The following NKX2-3 variants were observed in gnomAD, a reference collection of about 807,000 sequenced individuals.
NKX2-3 encodes the protein homeobox protein Nkx-2.3.
A neutral mutation model predicts 14.2 loss-of-function variants in NKX2-3; 3 were observed. The observed-to-expected ratio is 0.21, with a 90% CI of 0.10 to 0.55. The LOEUF (loss-of-function observed/expected upper bound fraction) is 0.55, where lower values mean the gene tolerates loss of function less well. Ranked by LOEUF, NKX2-3 falls within the 20% of genes least tolerant of loss-of-function variation. The pLI is 0.94. For missense variants in NKX2-3, 511 were observed against 514.5 expected (o/e 0.99, Z 0.06); for synonymous variants, 276 against 234.2 (o/e 1.18, Z -1.63).
At position 99,532,982 on chromosome 10, in the gene NKX2-3, T is replaced by G. The variant is rs1429179921; in HGVS notation, c.-150T>G. ...ACCCAGACCCCCAGGTCCCGGCCAA[T>G]GGAGGCGATTTAGACTGGAGTGGGA... On this transcript the variant is annotated 5_prime_UTR_variant, in exon 1 of 2. An upstream start codon of the reference 5' UTR is lost. Coordinates refer to ENST00000344586, the MANE Select transcript of NKX2-3 (RefSeq NM_145285.3). 1 of 620,318 alleles carries G rather than the reference T, an allele frequency of 1.6e-6. No homozygotes were observed. The highest frequency in any genetic ancestry group is 2.9e-6 in the Non-Finnish European group (1 of 347,174). 38.4% of individuals were successfully genotyped at this position (620,318 alleles called of 1,614,324 possible). A position where few individuals can be genotyped will look rare whatever the true frequency, so the allele number is the denominator to read the frequency against.
Position 99,535,245 on chromosome 10 carries a change from C to T in NKX2-3, c.619C>T (p.Arg207Trp), listed in dbSNP as rs2033954905. Residue 207 changes from arginine to tryptophan, a missense_variant, in exon 2 of 2, where the codon CGG becomes TGG. Arg to Trp is a moderately radical substitution (Grantham distance 101, BLOSUM62 -3). Coordinates refer to ENST00000344586, the MANE Select transcript of NKX2-3 (RefSeq NM_145285.3). ...TCGCAGGTACAAGTGCAAGAGACAG[C>T]GGCAGGACAAGTCTCTGGAGCTTGG... The part of the protein sequence containing the change: ...QNRRYKCKRQ[R>W]QDKSLELGAH... The T allele has an allele frequency of 8.7e-6, 14 of 1,611,490 alleles. No homozygotes were observed. The highest frequency in any genetic ancestry group is 1.2e-5 in the Non-Finnish European group (14 of 1,179,268).
chr10:99,534,762 T>C (rs2033947042), intron 1 of NKX2-3, among the ~76,000 whole-genome samples: 1 of 152,230 alleles, frequency 6.6e-6, no homozygotes, highest in Non-Finnish European at 1.5e-5. Flanking sequence ...ACGCACTAAC[T>C]ACCCCTCTCC....
Position 99,536,122 on chromosome 10 carries a change from A to C in NKX2-3, c.*401A>C. ...CCCAAGGACATAACAAATTAAAAGCATGAAGGAGAGAAAAATGGGGGTCGT... is the reference window on the plus strand; with the variant it reads ...CCCAAGGACATAACAAATTAAAAGCCTGAAGGAGAGAAAAATGGGGGTCGT... On this transcript the variant is annotated 3_prime_UTR_variant, in exon 2 of 2. Coordinates refer to ENST00000344586, the MANE Select transcript of NKX2-3 (RefSeq NM_145285.3). 4 of 197,406 alleles carry C rather than the reference A, an allele frequency of 2.0e-5. No individual in the cohort carries two copies. The highest frequency in any genetic ancestry group is 5.6e-5 in the Admixed American group (1 of 17,770). 12.2% of individuals were successfully genotyped at this position (197,406 alleles called of 1,614,324 possible).
chr10:99,534,207 G>A (rs1176431323), intron 1 of NKX2-3, among the ~76,000 whole-genome samples: 1 of 152,172 alleles, frequency 6.6e-6, no homozygotes. Context: ...AAAACGCGCC[G>A]AACTTGAGTC....
chr10:99,535,403 C>T lies in NKX2-3; in HGVS notation c.777C>T (p.Tyr259=), dbSNP rs2033957177. 1.4e-6 allele frequency: 2 copies of T among 1,437,618 alleles called. No homozygotes were observed. Among genetic ancestry groups the T allele is most frequent in the Non-Finnish European group, 1.8e-6 (2 of 1,099,008 alleles). 89.1% of individuals were successfully genotyped at this position (1,437,618 alleles called of 1,614,324 possible). Residue 259 remains tyrosine (Y), a synonymous_variant, in exon 2 of 2, where the codon TAC becomes TAT. Transcript: ENST00000344586. ...GCGTGGGCGCCAGCGCCTACTCCTA[C>T]AACAGCTTCCCCGCCTACGGCTATG... ...PYSVGASAYS[Y]NSFPAYGYGN...
At chr10:99,533,576 GCTGC>G (rs1291136194) in intron 1 of NKX2-3, 87 bp downstream of exon 1, 4 of 1,029,038 alleles carry the variant, frequency 3.9e-6, no homozygotes, top group Non-Finnish European at 5.6e-6. Flanking sequence ...TGCCAGCGCA[GCTGC>G]CCATCCCTTT....
rs753948982 is a variant in NKX2-3, at chr10:99,535,442, GGCCGCCGCCGCCGCC to G, written c.831_845del (p.Ala282_Ala286del). On this transcript the variant is annotated inframe_deletion, in exon 2 of 2. Transcript: ENST00000344586. Reference sequence around the variant, plus strand: ...CCTACGGCTATGGGAACTCGGCCGCGGCCGCCGCCGCCGCCGCCGCCGCCGCCGCAGCAGCGGCGG... The same window carrying G: ...CCTACGGCTATGGGAACTCGGCCGCGGCCGCCGCCGCCGCAGCAGCGGCGG... 3.4e-4 allele frequency: 444 copies of G among 1,311,050 alleles called. No individual in the cohort carries two copies. Among genetic ancestry groups the G allele is most frequent in the Middle Eastern group, 5.9e-4 (2 of 3,382 alleles). The allele number at this position is 1,311,050 out of a possible 1,614,324, so 81.2% of individuals were successfully genotyped here.
In NKX2-3 at chr10:99,533,228, C is replaced by A; in HGVS notation, c.97C>A (p.Gln33Lys). The change falls in exon 1 of 2, where the codon CAG becomes AAG. Residue 33 changes from glutamine (Q) to lysine (K), a missense_variant. Gln to Lys is a moderately conservative substitution (Grantham distance 53). Coordinates refer to ENST00000344586, the MANE Select transcript of NKX2-3 (RefSeq NM_145285.3). ...QHQHFHGAHL[Q>K]ADLEHHFHSA... is the part of the protein sequence containing the mutation. ...CCAGCACTTCCATGGTGCGCACTTG[C>A]AGGCGGACTTGGAGCACCACTTCCA... 6.2e-7 allele frequency: 1 copy of A among 1,610,956 alleles called. No individual in the cohort carries two copies. Among genetic ancestry groups the A allele is most frequent in the Non-Finnish European group, 8.5e-7 (1 of 1,177,406 alleles).
rs1436598545 is a variant in NKX2-3, at chr10:99,535,541, G to A, written c.915G>A (p.Gly305=). The stretch of plus-strand genomic sequence containing the variant: ...CGGGCGGCGGCGGCGGCGGCGGCGG[G>A]ACCTCCGCGGCGACCACTGCCATGC... ...YPAGGGGGGG[G]TSAATTAMQP... The change falls in exon 2 of 2, where the codon GGG becomes GGA. Residue 305 remains glycine, a synonymous_variant. Transcript: ENST00000344586. The A allele has an allele frequency of 8.3e-6, 11 of 1,320,576 alleles. No individual in the cohort carries two copies. The highest frequency in any genetic ancestry group is 2.5e-4 in the Middle Eastern group (1 of 3,954). 81.8% of individuals were successfully genotyped at this position (1,320,576 alleles called of 1,614,324 possible).
rs974001474 is a variant in NKX2-3 at position 99,532,996 on chromosome 10, A to T, written c.-136A>T. 2 of 660,168 alleles carry T rather than the reference A, an allele frequency of 3.0e-6. No homozygotes were observed. Among genetic ancestry groups the T allele is most frequent in the Non-Finnish European group, 5.4e-6 (2 of 373,578 alleles). The allele number at this position is 660,168 out of a possible 1,614,324, so 40.9% of individuals were successfully genotyped here. ...GTCCCGGCCAATGGAGGCGATTTAG[A>T]CTGGAGTGGGACCGCGTCTGTCAAA... On this transcript the variant is annotated 5_prime_UTR_variant, in exon 1 of 2. Coordinates refer to ENST00000344586, the MANE Select transcript of NKX2-3 (RefSeq NM_145285.3).
chr10:99,533,335 G>T lies in NKX2-3; in HGVS notation c.204G>T (p.Glu68Asp). ...GGEEDEEDEGEKLSYLNSLAA... is the reference protein window; with the variant it reads ...GGEEDEEDEGDKLSYLNSLAA... ...AGGAGGACGAGGAAGACGAGGGCGA[G>T]AAATTGTCCTATTTGAACTCACTAG... Residue 68 changes from glutamate to aspartate, a missense_variant, in exon 1 of 2, where the codon GAG becomes GAT. Physicochemically the swap from Glu to Asp is conservative, Grantham distance 45. Around this residue, in one of 3 missense-constraint regions of NKX2-3, gnomAD observed 243 missense variants for 242.3 expected, o/e 1.00. Coordinates refer to ENST00000344586, the MANE Select transcript of NKX2-3 (RefSeq NM_145285.3). The T allele has an allele frequency of 6.2e-7, 1 of 1,612,964 alleles. No individual in the cohort carries two copies. Among genetic ancestry groups the T allele is most frequent in the East Asian group, 2.2e-5 (1 of 44,836 alleles).
rs1313835638 is a variant in NKX2-3 at position 99,535,577 on chromosome 10, C to T, written c.951C>T (p.Cys317=). 6.7e-7 allele frequency: 1 copy of T among 1,499,510 alleles called. No individual in the cohort carries two copies. Among genetic ancestry groups the T allele is most frequent in the Non-Finnish European group, 8.8e-7 (1 of 1,130,150 alleles). The allele number at this position is 1,499,510 out of a possible 1,614,324, so 92.9% of individuals were successfully genotyped here. The change falls in exon 2 of 2, where the codon TGC becomes TGT. Residue 317 remains cysteine, a synonymous_variant. Transcript: ENST00000344586. ...SAATTAMQPA[C]SAAGGGPFVN... is the part of the protein sequence containing the mutation. ...CGACCACTGCCATGCAGCCCGCCTG[C>T]AGCGCGGCCGGAGGCGGCCCCTTTG...
Position 99,535,840 on chromosome 10 carries a change from T to C in NKX2-3, c.*119T>C. Reference sequence around the variant, plus strand: ...CGTTAAAAAAATATGTACGTCTAGCTCCTCAGGGCTTCGGATCGCAGCTCA... The same window carrying C: ...CGTTAAAAAAATATGTACGTCTAGCCCCTCAGGGCTTCGGATCGCAGCTCA... On this transcript the variant is annotated 3_prime_UTR_variant, in exon 2 of 2. Coordinates refer to ENST00000344586, the MANE Select transcript of NKX2-3 (RefSeq NM_145285.3). The C allele has an allele frequency of 8.7e-7, 1 of 1,151,752 alleles. No individual in the cohort carries two copies. Among genetic ancestry groups the C allele is most frequent in the Admixed American group, 3.1e-5 (1 of 31,910 alleles). 71.3% of individuals were successfully genotyped at this position (1,151,752 alleles called of 1,614,324 possible).
chr10:99,533,278 C>A lies in NKX2-3; in HGVS notation c.147C>A (p.Ala49=), dbSNP rs41290504. The A allele has an allele frequency of 0.52, 840,674 of 1,613,356 alleles. 220,264 individuals are homozygous for A. The highest frequency in any genetic ancestry group is 0.61 in the Admixed American group (36,327 of 59,902). The change falls in exon 1 of 2, where the codon GCC becomes GCA. Residue 49 remains alanine, a synonymous_variant. Transcript: ENST00000344586. ...ACTCTGCGCCCTGCATGCTGGCCGC[C>A]GCTGAGGGGACGCAATTTTCTGACG... ...HFHSAPCMLA[A]AEGTQFSDGG... is the part of the protein sequence containing the mutation.
At position 99,535,919 on chromosome 10, in the gene NKX2-3, G is replaced by A. The variant is rs1484558793; in HGVS notation, c.*198G>A. 3 of 634,938 alleles carry A rather than the reference G, an allele frequency of 4.7e-6. No individual in the cohort carries two copies. Among genetic ancestry groups the A allele is most frequent in the Non-Finnish European group, 7.7e-6 (3 of 391,398 alleles). The allele number at this position is 634,938 out of a possible 1,614,324, so 39.3% of individuals were successfully genotyped here. Reference sequence around the variant, plus strand: ...GCGAGGAGGATGACTGGGTCCGGTCGCCAGGACTGTCTCTGAGGCAGAAAC... The same window carrying A: ...GCGAGGAGGATGACTGGGTCCGGTCACCAGGACTGTCTCTGAGGCAGAAAC... On this transcript the variant is annotated 3_prime_UTR_variant, in exon 2 of 2. Transcript: ENST00000344586.
In NKX2-3 at chr10:99,535,460, C is replaced by A; in HGVS notation, c.834C>A (p.Ala278=). Reference sequence around the variant, plus strand: ...CGGCCGCGGCCGCCGCCGCCGCCGCCGCCGCCGCCGCAGCAGCGGCGGCCT... The same window carrying A: ...CGGCCGCGGCCGCCGCCGCCGCCGCAGCCGCCGCCGCAGCAGCGGCGGCCT... ...GNSAAAAAAA[A]AAAAAAAAYS... The change falls in exon 2 of 2, where the codon GCC becomes GCA. Residue 278 remains alanine, a synonymous_variant. Coordinates refer to ENST00000344586, the MANE Select transcript of NKX2-3 (RefSeq NM_145285.3). 1 of 1,235,856 alleles carries A rather than the reference C, an allele frequency of 8.1e-7. No homozygotes were observed. 76.6% of individuals were successfully genotyped at this position (1,235,856 alleles called of 1,614,324 possible). A position where few individuals can be genotyped will look rare whatever the true frequency, so the allele number is the denominator to read the frequency against.
chr10:99,535,608 G>A lies in NKX2-3; in HGVS notation c.982G>A (p.Val328Met), dbSNP rs1158697636. 3.3e-6 allele frequency: 5 copies of A among 1,517,350 alleles called. No individual in the cohort carries two copies. Among genetic ancestry groups the A allele is most frequent in the Non-Finnish European group, 4.4e-6 (5 of 1,137,096 alleles). 94.0% of individuals were successfully genotyped at this position (1,517,350 alleles called of 1,614,324 possible). A position where few individuals can be genotyped will look rare whatever the true frequency, so the allele number is the denominator to read the frequency against. ...GGCCGGAGGCGGCCCCTTTGTGAAC[G>A]TGAGCAACCTAGGAGGCTTCGGCAG... The part of the protein sequence containing the change: ...SAAGGGPFVN[V>M]SNLGGFGSGG... Residue 328 changes from valine to methionine, a missense_variant, in exon 2 of 2, where the codon GTG becomes ATG. Val to Met is a conservative substitution (Grantham distance 21, BLOSUM62 1). Coordinates refer to ENST00000344586, the MANE Select transcript of NKX2-3 (RefSeq NM_145285.3).
At position 99,533,376 on chromosome 10, in the gene NKX2-3, A is replaced by T; in HGVS notation, c.245A>T (p.His82Leu). 5.0e-6 allele frequency: 8 copies of T among 1,609,720 alleles called. No individual in the cohort carries two copies. Among genetic ancestry groups the T allele is most frequent in the Non-Finnish European group, 6.8e-6 (8 of 1,178,590 alleles). ...AACTCACTAGCCGCAGCAGACGGCC[A>T]CGGGGATTCAGGGCTGTGTCCCCAG... ...YLNSLAAADG[H>L]GDSGLCPQGY... The change falls in exon 1 of 2, where the codon CAC becomes CTC. Residue 82 changes from histidine (H) to leucine (L), a missense_variant. His to Leu is a moderately conservative substitution (Grantham distance 99). This residue lies in a region of NKX2-3 where 243 missense variants were observed against 242.3 expected (regional missense o/e 1.00). Coordinates refer to ENST00000344586, the MANE Select transcript of NKX2-3 (RefSeq NM_145285.3).
intron 1 of NKX2-3, 43 bp from the exon 2 acceptor site, chr10:99,534,942 G>A: frequency 6.5e-7 from 1 of 1,548,314 alleles, no homozygotes; most frequent in Non-Finnish European, 8.7e-7. Context: ...GCCGCGGTGC[G>A]GCCGGGAACA....
Sources: allele counts gnomAD v4.1 joint callset (sites outside exome capture counted in the v4.1 genomes callset), GRCh38; gene constraint gnomAD v4.1.1; regional missense constraint gnomAD v4.1.1; transcripts MANE v1.5; gene names NCBI Gene and HGNC (gene_info 2026-07-23, HGNC 2026-07-21).